The following NDRG1 variants were observed in gnomAD, a reference collection of about 807,000 sequenced individuals.
The protein encoded by NDRG1 is protein NDRG1.
In NDRG1, 32 loss-of-function variants were observed where a neutral mutation model predicts 56.9. The observed-to-expected ratio is 0.56, with a 90% CI of 0.42 to 0.76. The LOEUF is 0.76. NDRG1 is among the 30% of genes least tolerant of loss of function. The pLI is 0.00. For missense variants in NDRG1, 507 were observed against 545.7 expected, an observed-to-expected ratio of 0.93 and a Z score of 0.71; for synonymous variants, 211 against 204.1, an observed-to-expected ratio of 1.03 and a Z score of -0.29.
intron 15 of NDRG1, chr8:133,241,757 G>C: frequency 1.8e-6 from 1 of 565,014 alleles, no homozygotes; most frequent in South Asian, 2.2e-5. Flanking sequence ...GGTGCTTAAA[G>C]GGACAGTCCT....
intron 1 of NDRG1, chr8:133,296,736 C>CACACACACA: frequency 3.6e-6 from 1 of 281,678 alleles, no homozygotes; most frequent in South Asian, 2.6e-5. Flanking sequence ...CACACACTCA[C>CACACACACA]CTAGTCCCTT....
At chr8:133,266,903 T>C (rs1162313339) in intron 3 of NDRG1, among the ~76,000 whole-genome samples, 2 of 152,154 alleles carry the variant, frequency 1.3e-5, no homozygotes, top group African/African-American at 2.4e-5. Context: ...GAAAGCCTCC[T>C]GAATCCCTTA....
At chr8:133,256,755 G>C (rs769416370) in intron 8 of NDRG1, 22 bp downstream of exon 8, 2 of 1,612,668 alleles carry the variant, frequency 1.2e-6, no homozygotes, top group African/African-American at 2.7e-5. Flanking sequence ...GATCCCGCCG[G>C]CCTGACAGGC....
intron 3 of NDRG1, among the ~76,000 whole-genome samples, chr8:133,270,028 C>G (rs567737820): frequency 1.3e-5 from 2 of 152,244 alleles, no homozygotes; most frequent in African/African-American, 4.8e-5. Context: ...CCATGCAAAC[C>G]CTGTTCTCTT....
Position 133,238,898 on chromosome 8 carries a change from A to G in NDRG1, c.1165T>C (p.Ser389Pro). The G allele has an allele frequency of 1.3e-6, 2 of 1,556,612 alleles. No homozygotes were observed. The highest frequency in any genetic ancestry group is 1.7e-6 in the Non-Finnish European group (2 of 1,151,014). ...GCCGCCTAGCAGGAGACCTCCATGG[A>G]CTTGGGCCCGGCGCTGTTCCCAGCA... ...GAAGNSAGPK[S>P]MEVSC is the part of the protein sequence containing the mutation. The change falls in exon 16 of 16, where the codon TCC (serine) becomes CCC (proline). Residue 389 changes from serine to proline, a missense_variant. Coordinates refer to ENST00000323851, the MANE Select transcript of NDRG1 (RefSeq NM_006096.4).
intron 10 of NDRG1, 134 bp from the exon 11 acceptor site, chr8:133,248,905 G>A (rs945321529): frequency 9.7e-6 from 9 of 929,964 alleles, no homozygotes; most frequent in Non-Finnish European, 1.4e-5. Context: ...CTTGAGAGAG[G>A]CCCTGTGGCT....
chr8:133,294,225 A>G (rs1180798848), intron 1 of NDRG1, among the ~76,000 whole-genome samples: 1 of 152,236 alleles, frequency 6.6e-6, no homozygotes, highest in African/African-American at 2.4e-5. Context: ...CCGGGTTCAA[A>G]GTCTGGCTCT....
chr8:133,269,225 G>C (rs1165076366), intron 3 of NDRG1, among the ~76,000 whole-genome samples: 1 of 152,122 alleles, frequency 6.6e-6, no homozygotes, highest in African/African-American at 2.4e-5. Context: ...TTCTGGCTGG[G>C]ACAAGGCTGG....
intron 8 of NDRG1, among the ~76,000 whole-genome samples, chr8:133,256,427 C>T (rs763285723): frequency 6.6e-6 from 1 of 152,164 alleles, no homozygotes; most frequent in Non-Finnish European, 1.5e-5. Context: ...CTCAAGAAGT[C>T]TTGTTCTTCA....
intron 3 of NDRG1, among the ~76,000 whole-genome samples, chr8:133,270,869 G>A (rs1857153770): frequency 6.6e-6 from 1 of 152,184 alleles, no homozygotes; most frequent in Admixed American, 6.5e-5. Context: ...GACAATCCCT[G>A]CCATCAGTTG....
Position 133,256,656 on chromosome 8 carries a change from G to C in NDRG1, c.537+121C>G, listed in dbSNP as rs569446168. On this transcript the variant is annotated intron_variant, in intron 8 of 15. Transcript: ENST00000323851. ...AGAGGGAACTGGAGTGGGCAGTAGA[G>C]GGTAGTGGAGGAGTGGGTAAAGAGA... is the stretch of plus-strand genomic sequence containing the variant. 5 of 880,682 alleles carry C rather than the reference G, an allele frequency of 5.7e-6. No homozygotes were observed. In the East Asian group the frequency reaches 1.3e-4, roughly 23 times the overall value. 54.6% of individuals were successfully genotyped at this position (880,682 alleles called of 1,614,324 possible).
At chr8:133,289,188 T>C (rs918304014) in intron 1 of NDRG1, among the ~76,000 whole-genome samples, 2 of 152,146 alleles carry the variant, frequency 1.3e-5, no homozygotes, top group Admixed American at 6.5e-5. Context: ...GTAGCTGAGA[T>C]TACAGGCATA....
At chr8:133,250,117 C>T (rs1208448700) in intron 10 of NDRG1, among the ~76,000 whole-genome samples, 1 of 152,354 alleles carries the variant, frequency 6.6e-6, no homozygotes, top group East Asian at 1.9e-4. Flanking sequence ...GCTCTTCTTA[C>T]ATTTGGCCTT....
At chr8:133,261,964 T>C in intron 5 of NDRG1, 83 bp downstream of exon 5, 1 of 1,491,466 alleles carries the variant, frequency 6.7e-7, no homozygotes, top group Non-Finnish European at 9.0e-7. Flanking sequence ...AGTTAAAAAG[T>C]ATTTAAAAGA....
intron 5 of NDRG1, 159 bp from the exon 6 acceptor site, chr8:133,259,389 C>T (rs773422884): frequency 2.8e-5 from 20 of 705,774 alleles, no homozygotes; most frequent in Non-Finnish European, 4.1e-5. Flanking sequence ...CCTTCCAAGA[C>T]CCCTGCAGCA....
intron 8 of NDRG1, 106 bp from the exon 9 acceptor site, chr8:133,254,701 C>T (rs1276097846): frequency 2.7e-6 from 3 of 1,104,694 alleles, no homozygotes; most frequent in African/African-American, 1.6e-5. Context: ...GCTGGACTCC[C>T]CCCTACATGC....
At position 133,239,001 on chromosome 8, in the gene NDRG1, G is replaced by C. The variant is rs560162089; in HGVS notation, c.1062C>G (p.Ser354=). Residue 354 remains serine (S), a synonymous_variant, in exon 16 of 16, where the codon TCC becomes TCG. Coordinates refer to ENST00000323851, the MANE Select transcript of NDRG1 (RefSeq NM_006096.4). ...GGCTGCGGGTGCCCTCGCTGGTGTGGGAGCGGCTTCGGGTGCCCTCGCTGG... is the reference window on the plus strand; with the variant it reads ...GGCTGCGGGTGCCCTCGCTGGTGTGCGAGCGGCTTCGGGTGCCCTCGCTGG... The part of the protein sequence containing the change: ...SHTSEGTRSR[S]HTSEGTRSRS... 7 of 1,595,974 alleles carry C rather than the reference G, an allele frequency of 4.4e-6. No individual in the cohort carries two copies. The highest frequency in any genetic ancestry group is 4.1e-5 in the African/African-American group (3 of 73,708).
At chr8:133,289,949 C>G (rs563242029) in intron 1 of NDRG1, among the ~76,000 whole-genome samples, 44 of 152,314 alleles carry the variant, frequency 2.9e-4, no homozygotes, top group African/African-American at 9.9e-4. Flanking sequence ...ATGGAGATCA[C>G]GCTGTCCACA....
chr8:133,239,731 T>C (rs985970519), intron 15 of NDRG1: 31 of 160,804 alleles, frequency 1.9e-4, no homozygotes, highest in African/African-American at 2.4e-5. Flanking sequence ...AAGTGGCACA[T>C]GCTGATGGGG....
Sources: gnomAD v4.1 joint callset for allele counts (sites outside exome capture counted in the v4.1 genomes callset) on GRCh38, gnomAD v4.1.1 for gene constraint, MANE v1.5 for transcripts, NCBI Gene and HGNC (gene_info 2026-07-23, HGNC 2026-07-21) for gene names.